CDH10: variants seen among roughly 807,000 people sequenced by gnomAD.
CDH10 encodes cadherin-10.
A neutral mutation model predicts 73.1 loss-of-function variants in CDH10; 30 were observed. The observed-to-expected ratio is 0.41, with a 90% CI of 0.31 to 0.56. The LOEUF (loss-of-function observed/expected upper bound fraction) is 0.56, where lower values mean the gene tolerates loss of function less well. Among genes scored for constraint, CDH10 ranks in the 20% least tolerant of loss-of-function variants. The pLI is 0.27. For missense variants in CDH10, 815 were observed against 973.7 expected, an observed-to-expected ratio of 0.84 and a Z score of 2.17; for synonymous variants, 345 against 348.2, an observed-to-expected ratio of 0.99 and a Z score of 0.10.
intron 1 of CDH10, among the ~76,000 whole-genome samples, chr5:24,629,794 C>T (rs972347356): frequency 3.9e-5 from 6 of 152,202 alleles, no homozygotes; most frequent in African/African-American, 1.4e-4. Context: ...TGAGGCCTCC[C>T]CAGCCATGCA....
chr5:24,510,772 T>C (rs1411033579), intron 6 of CDH10, among the ~76,000 whole-genome samples: 2 of 152,238 alleles, frequency 1.3e-5, no homozygotes, highest in Non-Finnish European at 2.9e-5. Flanking sequence ...TTTCTCATAA[T>C]GATGGCACTT....
intron 2 of CDH10, among the ~76,000 whole-genome samples, chr5:24,573,881 T>C (rs1745493146): frequency 6.7e-6 from 1 of 148,472 alleles, no homozygotes; most frequent in South Asian, 2.1e-4. Flanking sequence ...TTTCATATTA[T>C]ATAAAAAATA....
chr5:24,613,419 A>C (rs1747018593), intron 1 of CDH10, among the ~76,000 whole-genome samples: 2 of 142,786 alleles, frequency 1.4e-5, no homozygotes, highest in Non-Finnish European at 3.0e-5. Context: ...TTTATTTTCT[A>C]TGTGTTCTCT....
intron 2 of CDH10, among the ~76,000 whole-genome samples, chr5:24,538,661 A>G (rs574326204): frequency 6.6e-6 from 1 of 151,840 alleles, no homozygotes; most frequent in South Asian, 2.1e-4. Context: ...CTAGTGACTG[A>G]GTCTAACCTT....
In CDH10 at chr5:24,487,227, C is replaced by T. The variant is rs768055794; in HGVS notation, c.*436G>A. 18 of 154,668 alleles carry T rather than the reference C, an allele frequency of 1.2e-4. No individual in the cohort carries two copies. Among genetic ancestry groups the T allele is most frequent in the Non-Finnish European group, 2.3e-4 (16 of 69,438 alleles). 9.6% of individuals were successfully genotyped at this position (154,668 alleles called of 1,614,324 possible). A position where few individuals can be genotyped will look rare whatever the true frequency, so the allele number is the denominator to read the frequency against. ...TATACCAGGTTGCATATCACACCTA[C>T]TAACATCACATGTACATTTTTGTTT... On this transcript the variant is annotated 3_prime_UTR_variant, in exon 12 of 12. Transcript: ENST00000264463.
At chr5:24,637,019 T>C (rs1431605922) in intron 1 of CDH10, among the ~76,000 whole-genome samples, 1 of 152,010 alleles carries the variant, frequency 6.6e-6, no homozygotes, top group Non-Finnish European at 1.5e-5. Context: ...GGTATGGCTA[T>C]AAATGCAACA....
intron 1 of CDH10, among the ~76,000 whole-genome samples, chr5:24,633,969 A>G (rs1747788419): frequency 6.6e-6 from 1 of 151,898 alleles, no homozygotes; most frequent in Non-Finnish European, 1.5e-5. Flanking sequence ...ACAAGTGAAT[A>G]GAATTTTACC....
At chr5:24,631,289 C>G (rs1472602566) in intron 1 of CDH10, among the ~76,000 whole-genome samples, 1 of 151,970 alleles carries the variant, frequency 6.6e-6, no homozygotes. Context: ...AATTTCTGAC[C>G]TCTGGAAAAC....
chr5:24,532,445 G>C (rs1743785809), intron 5 of CDH10, among the ~76,000 whole-genome samples: 1 of 152,014 alleles, frequency 6.6e-6, no homozygotes, highest in Admixed American at 6.6e-5. Flanking sequence ...CAGTTTAACT[G>C]ACCCAAGTGA....
At chr5:24,538,669 C>A (rs1372672983) in intron 2 of CDH10, among the ~76,000 whole-genome samples, 1 of 150,612 alleles carries the variant, frequency 6.6e-6, no homozygotes, top group Admixed American at 6.8e-5. Flanking sequence ...TGAGTCTAAC[C>A]TTTGGGCAAT....
intron 2 of CDH10, among the ~76,000 whole-genome samples, chr5:24,561,241 G>T (rs1179901128): frequency 3.3e-5 from 5 of 151,950 alleles, no homozygotes; most frequent in Non-Finnish European, 7.4e-5. Context: ...AATATGTTTG[G>T]GGTTAAAAAG....
chr5:24,642,879 T>C (rs1748099661), intron 1 of CDH10, among the ~76,000 whole-genome samples: 1 of 151,490 alleles, frequency 6.6e-6, no homozygotes, highest in Admixed American at 6.6e-5. Context: ...GCGTATGCAT[T>C]CACCAGAGAA....
chr5:24,622,134 A>G (rs1221618133), intron 1 of CDH10, among the ~76,000 whole-genome samples: 1 of 152,178 alleles, frequency 6.6e-6, no homozygotes, highest in Admixed American at 6.5e-5. Context: ...AAGCACAGAA[A>G]CAAGCAGACC....
At chr5:24,576,463 C>T (rs903063912) in intron 2 of CDH10, among the ~76,000 whole-genome samples, 4 of 151,906 alleles carry the variant, frequency 2.6e-5, no homozygotes, top group South Asian at 2.1e-4. Flanking sequence ...ATGTCTTATT[C>T]GATCACTGGG....
rs1748155337 is a variant in CDH10, at chr5:24,644,577, A to T, written c.-124+17T>A. 1 of 151,720 alleles carries T rather than the reference A, an allele frequency of 6.6e-6. No homozygotes were observed. Among genetic ancestry groups the T allele is most frequent in the African/African-American group, 2.4e-5 (1 of 41,342 alleles). 9.4% of individuals were successfully genotyped at this position (151,720 alleles called of 1,614,324 possible). On this transcript the variant is annotated intron_variant, in intron 1 of 11. Transcript: ENST00000264463. ...ATACCTTAACGGAGTTAAAAGAAAG[A>T]GGTGAAGTCTTCCTACCTTTTTTAT...
At chr5:24,536,634 T>C (rs2111887793) in intron 3 of CDH10, among the ~76,000 whole-genome samples, 1 of 152,140 alleles carries the variant, frequency 6.6e-6, no homozygotes, top group East Asian at 1.9e-4. Context: ...TTTAAAAAAT[T>C]AATGCAGTTT....
chr5:24,600,598 G>A (rs966475565), intron 1 of CDH10, among the ~76,000 whole-genome samples: 9 of 152,018 alleles, frequency 5.9e-5, no homozygotes, highest in East Asian at 1.9e-4. Context: ...GTCGGTGTGC[G>A]TGCGTGCGTG....
intron 5 of CDH10, among the ~76,000 whole-genome samples, chr5:24,515,782 T>A (rs1743087377): frequency 1.3e-5 from 2 of 152,148 alleles, no homozygotes; most frequent in Non-Finnish European, 2.9e-5. Flanking sequence ...CTCCCGCAAT[T>A]CCCACGTGTC....
At chr5:24,547,850 G>A (rs540216641) in intron 2 of CDH10, among the ~76,000 whole-genome samples, 9 of 152,264 alleles carry the variant, frequency 5.9e-5, no homozygotes, top group Non-Finnish European at 8.8e-5. Flanking sequence ...AATGGCCATC[G>A]CTCAGGAGAA....
Sources: allele counts gnomAD v4.1 joint callset (sites outside exome capture counted in the v4.1 genomes callset), GRCh38; gene constraint gnomAD v4.1.1; transcripts MANE v1.5; gene names NCBI Gene and HGNC (gene_info 2026-07-23, HGNC 2026-07-21).